CCDC150: variants seen among roughly 807,000 people sequenced by gnomAD.
CCDC150 encodes the protein coiled-coil domain-containing protein 150.
A neutral mutation model predicts 156.5 loss-of-function variants in CCDC150; 151 were observed. The observed-to-expected ratio is 0.97, with a 90% CI of 0.85 to 1.10. The LOEUF is 1.10. Ranked by LOEUF, CCDC150 falls within the 50% of genes least tolerant of loss-of-function variation. CCDC150 has a pLI of 0.00. For missense variants in CCDC150, 1,312 were observed against 1,268.1 expected (o/e 1.03, Z -0.53); for synonymous variants, 452 against 429.4 (o/e 1.05, Z -0.65).
intron 8 of CCDC150, 41 bp downstream of exon 8, chr2:196,669,917 C>G: frequency 6.9e-7 from 1 of 1,442,920 alleles, no homozygotes; most frequent in Admixed American, 1.9e-5. Context: ...GGTCTTTCCT[C>G]TCTTCACTAA....
At chr2:196,716,753 T>G (rs1288759974) in intron 17 of CCDC150, among the ~76,000 whole-genome samples, 14 of 152,222 alleles carry the variant, frequency 9.2e-5, no homozygotes, top group Non-Finnish European at 4.4e-5. Context: ...ATGTGTAGCT[T>G]ATTGTATATC....
At chr2:196,702,656 C>G (rs751848488) in intron 15 of CCDC150, among the ~76,000 whole-genome samples, 1 of 151,708 alleles carries the variant, frequency 6.6e-6, no homozygotes, top group East Asian at 1.9e-4. Context: ...CAAGAGACTT[C>G]AGTACTTTTT....
chr2:196,711,747 T>G (rs905692247), intron 15 of CCDC150, among the ~76,000 whole-genome samples: 1 of 152,180 alleles, frequency 6.6e-6, no homozygotes, highest in African/African-American at 2.4e-5. Context: ...TATGTCTGCT[T>G]CTTGCACATT....
At chr2:196,694,048 G>A (rs1191329414) in intron 13 of CCDC150, among the ~76,000 whole-genome samples, 1 of 137,466 alleles carries the variant, frequency 7.3e-6, no homozygotes, top group Non-Finnish European at 1.5e-5. Context: ...ATATTTTGTG[G>A]AAGATTTTTT....
intron 1 of CCDC150, among the ~76,000 whole-genome samples, chr2:196,643,415 C>CT (rs139006542): frequency 0.11 from 17,293 of 152,120 alleles, 1,083 homozygotes; most frequent in Middle Eastern, 0.18. Flanking sequence ...GTTGGACCTT[C>CT]TTTTTTTTAA....
At chr2:196,679,047 A>G (rs1271325216) in intron 13 of CCDC150, among the ~76,000 whole-genome samples, 1 of 152,240 alleles carries the variant, frequency 6.6e-6, no homozygotes, top group Non-Finnish European at 1.5e-5. Context: ...ATACTTGTTC[A>G]TTAGAGACTT....
intron 2 of CCDC150, among the ~76,000 whole-genome samples, chr2:196,650,982 T>C (rs1429847296): frequency 3.9e-5 from 6 of 152,250 alleles, no homozygotes; most frequent in Admixed American, 6.5e-5. Context: ...TATTGGCCTA[T>C]TCAGATTTTC....
Position 196,712,260 on chromosome 2 carries a change from T to A in CCDC150, c.1803+8T>A. On this transcript the variant is annotated splice_region_variant and intron_variant, in intron 16 of 27. Coordinates refer to ENST00000389175, the MANE Select transcript of CCDC150 (RefSeq NM_001080539.2). The stretch of plus-strand genomic sequence containing the variant: ...CAGACTAAATATGCTCAGGTGTGAT[T>A]AATATCTACAAAAGCGGATTGCTGC... 7.1e-7 allele frequency: 1 copy of A among 1,406,980 alleles called. No individual in the cohort carries two copies. The highest frequency in any genetic ancestry group is 9.7e-7 in the Non-Finnish European group (1 of 1,033,062). The allele number at this position is 1,406,980 out of a possible 1,614,324, so 87.2% of individuals were successfully genotyped here. A position where few individuals can be genotyped will look rare whatever the true frequency, so the allele number is the denominator to read the frequency against.
chr2:196,712,053 T>C (rs1697159532), intron 15 of CCDC150, 92 bp from the exon 16 acceptor site: 1 of 400,666 alleles, frequency 2.5e-6, no homozygotes, highest in East Asian at 3.8e-5. Flanking sequence ...TGACCCTTTT[T>C]CCCCCTTCTG....
At position 196,712,731 on chromosome 2, in the gene CCDC150, C is replaced by T; in HGVS notation, c.1858C>T (p.Leu620=). The T allele has an allele frequency of 6.2e-7, 1 of 1,609,694 alleles. No individual in the cohort carries two copies. The highest frequency in any genetic ancestry group is 8.5e-7 in the Non-Finnish European group (1 of 1,177,640). Reference sequence around the variant, plus strand: ...ACACCTGCAGCAGGCAGATGCTCACCTGAAAGAAGTATTGGTAATGAAAGT... The same window carrying T: ...ACACCTGCAGCAGGCAGATGCTCACTTGAAAGAAGTATTGGTAATGAAAGT... The part of the protein sequence containing the change: ...RVHLQQADAH[L]KEVKSILERS... Residue 620 remains leucine, a synonymous_variant, in exon 17 of 28, where the codon CTG becomes TTG. Coordinates refer to ENST00000389175, the MANE Select transcript of CCDC150 (RefSeq NM_001080539.2).
At chr2:196,720,501 C>G (rs1697817062) in intron 19 of CCDC150, 74 bp from the exon 20 acceptor site, 3 of 1,214,556 alleles carry the variant, frequency 2.5e-6, no homozygotes, top group East Asian at 2.4e-5. Context: ...GAAAAGTGTT[C>G]TGTAACTCCC....
At chr2:196,640,355 C>T (rs1402636707) in intron 1 of CCDC150, among the ~76,000 whole-genome samples, 1 of 152,048 alleles carries the variant, frequency 6.6e-6, no homozygotes, top group Non-Finnish European at 1.5e-5. Context: ...CGTATTAGTC[C>T]GTCTTAAATG....
At chr2:196,707,241 T>G (rs1307471511) in intron 15 of CCDC150, among the ~76,000 whole-genome samples, 2 of 152,086 alleles carry the variant, frequency 1.3e-5, no homozygotes, top group Admixed American at 1.3e-4. Context: ...CTTGGGAGAG[T>G]GTATGTGTCC....
rs1040603546 is a variant in CCDC150 at position 196,689,712 on chromosome 2, C to T, written c.1510-5334C>T. On this transcript the variant is annotated intron_variant, in intron 13 of 27. Coordinates refer to ENST00000389175, the MANE Select transcript of CCDC150 (RefSeq NM_001080539.2). ...GCAAACAGGGACAATTTGACTTCCTCTTTTCCTAATTGAATACCCTTTATT... is the reference window on the plus strand; with the variant it reads ...GCAAACAGGGACAATTTGACTTCCTTTTTTCCTAATTGAATACCCTTTATT... Among the ~76,000 whole-genome samples, 11 of 151,932 alleles carry T rather than the reference C, an allele frequency of 7.2e-5. No individual in the cohort carries two copies. In the East Asian group the frequency reaches 2.1e-3, roughly 29 times the overall value.
intron 26 of CCDC150, among the ~76,000 whole-genome samples, chr2:196,731,486 G>A (rs1391903746): frequency 6.6e-6 from 1 of 150,414 alleles, no homozygotes; most frequent in African/African-American, 2.4e-5. Context: ...CGCCTCCCAG[G>A]CTCAAATGAT....
At chr2:196,732,241 C>T (rs890515098) in intron 27 of CCDC150, 89 bp downstream of exon 27, 2 of 1,428,578 alleles carry the variant, frequency 1.4e-6, no homozygotes, top group Non-Finnish European at 1.9e-6. Context: ...CATCTCGATA[C>T]TCTCTCTTTT....
intron 13 of CCDC150, among the ~76,000 whole-genome samples, chr2:196,685,777 A>G (rs938403624): frequency 6.6e-6 from 1 of 151,712 alleles, no homozygotes; most frequent in South Asian, 2.1e-4. Context: ...ACGCCTGGCT[A>G]ATTTTTTTTG....
intron 2 of CCDC150, 149 bp from the exon 3 acceptor site, chr2:196,656,484 A>G (rs538918078): frequency 8.3e-5 from 51 of 617,892 alleles, no homozygotes; most frequent in South Asian, 7.8e-4. Context: ...GTGTGTCCCT[A>G]TGTGGAGGGA....
intron 18 of CCDC150, chr2:196,719,211 G>A (rs1009881873): frequency 2.2e-5 from 5 of 223,478 alleles, no homozygotes; most frequent in Admixed American, 1.1e-4. Flanking sequence ...ACCTCTGGAC[G>A]CAGGTTGTGC....
Sources: gnomAD v4.1 joint callset for allele counts (sites outside exome capture counted in the v4.1 genomes callset) on GRCh38, gnomAD v4.1.1 for gene constraint, MANE v1.5 for transcripts, NCBI Gene and HGNC (gene_info 2026-07-23, HGNC 2026-07-21) for gene names.